MAP3K5: variants seen among roughly 807,000 people sequenced by gnomAD.
The protein encoded by MAP3K5 is ASK-1.
In MAP3K5, 56 loss-of-function variants were observed where a neutral mutation model predicts 158.7. The observed-to-expected ratio is 0.35, with a 90% CI of 0.28 to 0.44. The LOEUF (loss-of-function observed/expected upper bound fraction) is 0.44, where lower values mean the gene tolerates loss of function less well. Among genes scored for constraint, MAP3K5 ranks in the 20% least tolerant of loss-of-function variants. MAP3K5 has a pLI of 1.00. For missense variants in MAP3K5, 1,294 were observed against 1,674.8 expected (o/e 0.77, Z 3.97); for synonymous variants, 579 against 601.7 (o/e 0.96, Z 0.55).
chr6:136,621,544 G>A (rs545157412), intron 15 of MAP3K5, among the ~76,000 whole-genome samples: 12 of 152,190 alleles, frequency 7.9e-5, no homozygotes, highest in Non-Finnish European at 1.8e-4. Context: ...TTAGTGATGT[G>A]GTGGGAAGCA....
chr6:136,636,026 A>G (rs1777617349), intron 14 of MAP3K5, among the ~76,000 whole-genome samples: 1 of 152,210 alleles, frequency 6.6e-6, no homozygotes, highest in Admixed American at 6.5e-5. Flanking sequence ...TAGACTGGTG[A>G]GCTATAGATT....
In MAP3K5 at chr6:136,580,459, A is replaced by T; in HGVS notation, c.3412-53T>A. On this transcript the variant is annotated intron_variant, in intron 24 of 29. Coordinates refer to ENST00000359015, the MANE Select transcript of MAP3K5 (RefSeq NM_005923.4). ...TTTAATTTTTAATTGCAAATAGCCT[A>T]GATGATCGAAGCACTTGTATGAAGT... 6 of 1,071,230 alleles carry T rather than the reference A, an allele frequency of 5.6e-6. No individual in the cohort carries two copies. In the South Asian group the frequency reaches 7.9e-5, roughly 14 times the overall value. 66.4% of individuals were successfully genotyped at this position (1,071,230 alleles called of 1,614,324 possible).
chr6:136,561,440 C>A, intron 28 of MAP3K5, 93 bp downstream of exon 28: 1 of 898,376 alleles, frequency 1.1e-6, no homozygotes, highest in South Asian at 1.5e-5. Context: ...CTGATTTGCT[C>A]ACCAGTGTAT....
chr6:136,709,112 A>AT (rs1335147808), intron 2 of MAP3K5, among the ~76,000 whole-genome samples: 1 of 151,906 alleles, frequency 6.6e-6, no homozygotes, highest in Non-Finnish European at 1.5e-5. Flanking sequence ...TACATTGCAC[A>AT]TTTTTGTTCC....
chr6:136,742,194 T>C (rs1462410288), intron 1 of MAP3K5, among the ~76,000 whole-genome samples: 1 of 152,160 alleles, frequency 6.6e-6, no homozygotes, highest in Non-Finnish European at 1.5e-5. Flanking sequence ...CAACACAATA[T>C]TGAAGAAGAA....
intron 16 of MAP3K5, 47 bp downstream of exon 16, chr6:136,614,112 C>T (rs200652562): frequency 2.2e-4 from 345 of 1,594,152 alleles, no homozygotes; most frequent in Non-Finnish European, 2.8e-4. Context: ...TACTCCCCTC[C>T]GAAGCTCTAA....
intron 4 of MAP3K5, among the ~76,000 whole-genome samples, chr6:136,697,952 C>T (rs1203043308): frequency 2.0e-5 from 3 of 152,174 alleles, no homozygotes; most frequent in Admixed American, 2.0e-4. Flanking sequence ...GGCATGTTGG[C>T]CAGGCTGGTC....
At chr6:136,643,460 A>G (rs1275288140) in intron 11 of MAP3K5, among the ~76,000 whole-genome samples, 1 of 152,238 alleles carries the variant, frequency 6.6e-6, no homozygotes, top group Non-Finnish European at 1.5e-5. Flanking sequence ...AACCATGAAA[A>G]GGAGTTCTTA....
At chr6:136,581,776 A>G (rs1774889746) in intron 24 of MAP3K5, among the ~76,000 whole-genome samples, 1 of 152,076 alleles carries the variant, frequency 6.6e-6, no homozygotes, top group African/African-American at 2.4e-5. Flanking sequence ...TGGTACCTTC[A>G]TTTCTTTAAA....
chr6:136,603,047 C>T (rs369129643), intron 19 of MAP3K5, among the ~76,000 whole-genome samples: 20 of 152,096 alleles, frequency 1.3e-4, no homozygotes, highest in East Asian at 3.9e-4. Context: ...TATGTAAATT[C>T]ATTGTAATAT....
At chr6:136,650,708 CAA>C (rs995128436) in intron 11 of MAP3K5, among the ~76,000 whole-genome samples, 4 of 152,114 alleles carry the variant, frequency 2.6e-5, no homozygotes, top group African/African-American at 9.7e-5. Context: ...CATGAATTTA[CAA>C]AAGAGAAATA....
intron 5 of MAP3K5, 76 bp from the exon 6 acceptor site, chr6:136,696,133 C>G: frequency 1.3e-6 from 1 of 785,402 alleles, no homozygotes; most frequent in Non-Finnish European, 2.1e-6. Context: ...CTTTTGACAA[C>G]CAGATATCTG....
intron 23 of MAP3K5, among the ~76,000 whole-genome samples, chr6:136,589,421 T>C (rs1426541693): frequency 2.0e-5 from 3 of 151,882 alleles, no homozygotes; most frequent in Non-Finnish European, 4.4e-5. Flanking sequence ...CTGTGGGAGG[T>C]TGTATCCACA....
At chr6:136,593,676 TA>T (rs745959346) in intron 21 of MAP3K5, 2 of 346,950 alleles carry the variant, frequency 5.8e-6, no homozygotes, top group South Asian at 3.8e-5. Flanking sequence ...TGAATCACAA[TA>T]AAATACTGTC....
intron 11 of MAP3K5, among the ~76,000 whole-genome samples, chr6:136,649,688 G>C (rs929519653): frequency 6.6e-6 from 1 of 152,188 alleles, no homozygotes; most frequent in Non-Finnish European, 1.5e-5. Context: ...TTCAAAGTTA[G>C]GATTTAGTCC....
Position 136,637,308 on chromosome 6 carries a change from G to T in MAP3K5, c.2016+17C>A. 6.3e-7 allele frequency: 1 copy of T among 1,577,160 alleles called. No individual in the cohort carries two copies. The highest frequency in any genetic ancestry group is 8.7e-7 in the Non-Finnish European group (1 of 1,146,402). ...TTAAAATGAGCTCTAAATGTAAATGGACACCTAAGTCATTACCTCCAGCAA... is the reference window on the plus strand; with the variant it reads ...TTAAAATGAGCTCTAAATGTAAATGTACACCTAAGTCATTACCTCCAGCAA... On this transcript the variant is annotated intron_variant, in intron 14 of 29. Coordinates refer to ENST00000359015, the MANE Select transcript of MAP3K5 (RefSeq NM_005923.4).
intron 1 of MAP3K5, among the ~76,000 whole-genome samples, chr6:136,739,787 A>G (rs533829905): frequency 5.2e-4 from 79 of 152,302 alleles, no homozygotes; most frequent in African/African-American, 1.8e-3. Flanking sequence ...GTTTGCTTCA[A>G]ACAGTCTTAG....
In MAP3K5 at chr6:136,756,087, G is replaced by A. The variant is rs527803498; in HGVS notation, c.449-35498C>T. 2.7e-3 allele frequency among the ~76,000 whole-genome samples: 415 copies of A among 151,752 alleles called. 1 individual carries two copies. The highest frequency in any genetic ancestry group is 9.6e-3 in the African/African-American group (396 of 41,364). ...TTTGGGAGGCCAAAATGGGCAGATC[G>A]CTTGAGCCCAGGAGTTCAAGACGAG... is the stretch of plus-strand genomic sequence containing the variant. On this transcript the variant is annotated intron_variant, in intron 1 of 29. Transcript: ENST00000359015.
intron 23 of MAP3K5, among the ~76,000 whole-genome samples, chr6:136,585,459 C>CTT (rs1309464961): frequency 7.7e-6 from 1 of 130,702 alleles, no homozygotes; most frequent in African/African-American, 2.8e-5. Flanking sequence ...ATATTGCTTC[C>CTT]TTTCTTTTCT....
Sources: gnomAD v4.1 joint callset for allele counts (sites outside exome capture counted in the v4.1 genomes callset) on GRCh38, gnomAD v4.1.1 for gene constraint, MANE v1.5 for transcripts, NCBI Gene and HGNC (gene_info 2026-07-23, HGNC 2026-07-21) for gene names.